Variants in KHDRBS2 observed in about 807,000 individuals in gnomAD.
KHDRBS2 encodes the protein KH RNA binding domain containing, signal transduction associated 2.
A neutral mutation model predicts 44.3 loss-of-function variants in KHDRBS2; 26 were observed. The ratio of observed to expected loss-of-function variants is 0.59; its 90% CI spans 0.43 to 0.81. The LOEUF is 0.81. Ranked by LOEUF, KHDRBS2 falls within the 40% of genes least tolerant of loss-of-function variation. The pLI is 0.00. For missense variants in KHDRBS2, 476 were observed against 433.1 expected (o/e 1.10, Z -0.88); for synonymous variants, 194 against 151.1 (o/e 1.28, Z -2.08).
At chr6:61,823,812 T>C (rs1218291541) in intron 6 of KHDRBS2, among the ~76,000 whole-genome samples, 2 of 152,058 alleles carry the variant, frequency 1.3e-5, no homozygotes, top group Non-Finnish European at 2.9e-5. Context: ...CTACTCAAAA[T>C]TTGCAGATTA....
chr6:61,740,040 T>C (rs540133731), intron 6 of KHDRBS2, among the ~76,000 whole-genome samples: 4 of 151,958 alleles, frequency 2.6e-5, no homozygotes, highest in Admixed American at 6.6e-5. Flanking sequence ...TCTTGGTTAC[T>C]AGAAGATATC....
intron 3 of KHDRBS2, among the ~76,000 whole-genome samples, chr6:62,034,706 A>G (rs1028891655): frequency 6.6e-6 from 1 of 151,156 alleles, no homozygotes; most frequent in African/African-American, 2.4e-5. Context: ...AAAAAAAAAA[A>G]AAAAAAAAAA....
chr6:61,945,099 A>ATATATAT (rs1562489783), intron 4 of KHDRBS2, among the ~76,000 whole-genome samples: 1 of 67,946 alleles, frequency 1.5e-5, no homozygotes, highest in Non-Finnish European at 2.8e-5. Flanking sequence ...TTAAAAAAAA[A>ATATATAT]AAAAAAAAAA....
At chr6:61,603,271 C>A in the KHDRBS2 span, among the ~76,000 whole-genome samples, 1 of 152,170 alleles carries the variant, frequency 6.6e-6, no homozygotes, top group Non-Finnish European at 1.5e-5. Context: ...TCTTGCCTAT[C>A]CACCACGTGG....
chr6:62,132,078 A>AT (rs1047813940), intron 2 of KHDRBS2, among the ~76,000 whole-genome samples: 52 of 152,220 alleles, frequency 3.4e-4, no homozygotes, highest in African/African-American at 1.2e-3. Context: ...TTTAATAGTA[A>AT]TTTTTTCACA....
intron 4 of KHDRBS2, among the ~76,000 whole-genome samples, chr6:61,956,918 C>CATCATCATT (rs1554293375): frequency 6.6e-6 from 1 of 151,528 alleles, no homozygotes; most frequent in Non-Finnish European, 1.5e-5. Flanking sequence ...TCATCATCAT[C>CATCATCATT]ATCATCATCA....
At chr6:62,182,450 G>C (rs1822519407) in intron 1 of KHDRBS2, among the ~76,000 whole-genome samples, 1 of 151,980 alleles carries the variant, frequency 6.6e-6, no homozygotes, top group Non-Finnish European at 1.5e-5. Context: ...TAAGAGGGTA[G>C]ATCTTGTATT....
chr6:61,739,074 C>T (rs1775792848), intron 6 of KHDRBS2, among the ~76,000 whole-genome samples: 1 of 151,854 alleles, frequency 6.6e-6, no homozygotes, highest in South Asian at 2.1e-4. Context: ...CTTTTACTGA[C>T]ATAAAGCATA....
chr6:61,698,592 T>C (rs1247929974), intron 7 of KHDRBS2, among the ~76,000 whole-genome samples: 1 of 152,124 alleles, frequency 6.6e-6, no homozygotes, highest in African/African-American at 2.4e-5. Context: ...TTAGATCATA[T>C]TAGCTCCCTA....
chr6:61,910,534 C>T (rs552490335), intron 4 of KHDRBS2, among the ~76,000 whole-genome samples: 1 of 152,206 alleles, frequency 6.6e-6, no homozygotes, highest in South Asian at 2.1e-4. Flanking sequence ...GGTCACATTG[C>T]CCATTACTCA....
At chr6:61,995,588 C>T (rs1777018693) in intron 3 of KHDRBS2, among the ~76,000 whole-genome samples, 1 of 152,106 alleles carries the variant, frequency 6.6e-6, no homozygotes, top group African/African-American at 2.4e-5. Context: ...CTCTCAGAAG[C>T]CACTCAAAAG....
At chr6:61,646,871 G>A in the KHDRBS2 span, among the ~76,000 whole-genome samples, 7 of 152,016 alleles carry the variant, frequency 4.6e-5, no homozygotes, top group Admixed American at 2.0e-4. Flanking sequence ...CCAGGCTGGA[G>A]TGCAGTGGCG....
At chr6:61,635,893 C>T in the KHDRBS2 span, among the ~76,000 whole-genome samples, 2 of 152,104 alleles carry the variant, frequency 1.3e-5, no homozygotes, top group African/African-American at 2.4e-5. Context: ...TTTATGGAGT[C>T]GCAGAGAATC....
At chr6:61,885,820 T>C (rs1800870277) in intron 6 of KHDRBS2, among the ~76,000 whole-genome samples, 1 of 152,010 alleles carries the variant, frequency 6.6e-6, no homozygotes, top group Non-Finnish European at 1.5e-5. Context: ...TGGAGGGAGC[T>C]TCTTTAGCAT....
the KHDRBS2 span, among the ~76,000 whole-genome samples, chr6:61,659,556 TCA>T: frequency 4.0e-5 from 6 of 151,772 alleles, no homozygotes; most frequent in African/African-American, 1.5e-4. Flanking sequence ...ACTCAACAAA[TCA>T]CAGTTATTTT....
the KHDRBS2 span, among the ~76,000 whole-genome samples, chr6:61,645,906 A>G: frequency 0.54 from 82,357 of 151,922 alleles, 22,810 homozygotes; most frequent in Non-Finnish European, 0.61. Context: ...GGAGGGTGGT[A>G]TGGCGGCATC....
chr6:62,129,097 C>T (rs1213374401), intron 2 of KHDRBS2, among the ~76,000 whole-genome samples: 1 of 152,004 alleles, frequency 6.6e-6, no homozygotes, highest in East Asian at 1.9e-4. Flanking sequence ...TATTCCAAGG[C>T]TTGTTAAAAT....
intron 7 of KHDRBS2, among the ~76,000 whole-genome samples, chr6:61,731,508 T>C (rs1310174363): frequency 6.6e-6 from 1 of 152,118 alleles, no homozygotes; most frequent in Non-Finnish European, 1.5e-5. Flanking sequence ...TCAATACTTT[T>C]ACTGTGCTGT....
chr6:61,782,260 A>T (rs116487610), intron 6 of KHDRBS2, among the ~76,000 whole-genome samples: 1 of 152,218 alleles, frequency 6.6e-6, no homozygotes, highest in African/African-American at 2.4e-5. Context: ...ATCAGGATTC[A>T]GATTTGAACC....
Sources: allele counts gnomAD v4.1 joint callset (sites outside exome capture counted in the v4.1 genomes callset), GRCh38; gene constraint gnomAD v4.1.1; transcripts MANE v1.5; gene names NCBI Gene and HGNC (gene_info 2026-07-23, HGNC 2026-07-21).